Variants in CACNA1G observed in about 807,000 individuals in gnomAD.
The protein encoded by CACNA1G is voltage-dependent T-type calcium channel subunit alpha-1G.
In CACNA1G, 67 loss-of-function variants were observed where a neutral mutation model predicts 219.4. The ratio of observed to expected loss-of-function variants is 0.31; its 90% CI spans 0.25 to 0.37. CACNA1G has a LOEUF of 0.37. Ranked by LOEUF, CACNA1G falls within the 10% of genes least tolerant of loss-of-function variation. The pLI is 1.00. For synonymous variants in CACNA1G, 1,296 were observed against 1,345.3 expected (o/e 0.96, Z 0.80); for missense variants, 2,380 against 3,231.4 (o/e 0.74, Z 6.39).
chr17:50,577,011 G>A (rs1319061279), intron 8 of CACNA1G, among the ~76,000 whole-genome samples: 6 of 152,196 alleles, frequency 3.9e-5, no homozygotes, highest in Admixed American at 1.3e-4. Flanking sequence ...TGCAGCCCAC[G>A]GCCTGTGTTT....
chr17:50,567,785 T>G (rs1490909436), intron 1 of CACNA1G, among the ~76,000 whole-genome samples: 1 of 152,204 alleles, frequency 6.6e-6, no homozygotes, highest in Non-Finnish European at 1.5e-5. Flanking sequence ...TGGAACCTTC[T>G]AAGGTCCGGA....
chr17:50,568,863 C>T lies in CACNA1G; in HGVS notation c.243-7C>T. 1 of 1,611,664 alleles carries T rather than the reference C, an allele frequency of 6.2e-7. No homozygotes were observed. The highest frequency in any genetic ancestry group is 1.7e-5 in the Admixed American group (1 of 60,020). ...CCTTGGCCAGCTGTTTCCTTGACTG[C>T]CAGTACCTGGTTTGAGCGCATCAGC... On this transcript the variant is annotated splice_polypyrimidine_tract_variant and splice_region_variant and intron_variant, in intron 1 of 37. Transcript: ENST00000359106.
intron 16 of CACNA1G, among the ~76,000 whole-genome samples, chr17:50,598,182 C>T (rs935134793): frequency 6.6e-6 from 1 of 152,226 alleles, no homozygotes; most frequent in Non-Finnish European, 1.5e-5. Flanking sequence ...CATGTGCCAC[C>T]ATGTCCGGCT....
intron 34 of CACNA1G, among the ~76,000 whole-genome samples, chr17:50,620,085 G>T (rs1185085840): frequency 8.5e-5 from 13 of 152,058 alleles, no homozygotes; most frequent in Admixed American, 5.2e-4. Flanking sequence ...CTTGGGGAGG[G>T]GAGAGGGGAT....
rs373099107 is a variant in CACNA1G at position 50,619,755 on chromosome 17, G to A, written c.5854G>A (p.Glu1952Lys). The change falls in exon 34 of 38, where the codon GAG becomes AAG. Residue 1952 changes from glutamate to lysine, a missense_variant. Around this residue, in one of 17 missense-constraint regions of CACNA1G, gnomAD observed 672 missense variants for 670.5 expected, o/e 1.00. Coordinates refer to ENST00000359106, the MANE Select transcript of CACNA1G (RefSeq NM_018896.5). ...GGAGTGGGAGCTGAAGCTGATGGACGAGCTGGCAGGCCCAGGGGGCCAGCC... is the reference window on the plus strand; with the variant it reads ...GGAGTGGGAGCTGAAGCTGATGGACAAGCTGGCAGGCCCAGGGGGCCAGCC... ...SLEWELKLMD[E>K]LAGPGGQPSA... 3.7e-6 allele frequency: 6 copies of A among 1,609,080 alleles called. No individual in the cohort carries two copies. Among genetic ancestry groups the A allele is most frequent in the East Asian group, 2.2e-5 (1 of 44,792 alleles).
rs1257346430 is a variant in CACNA1G, at chr17:50,617,933, G to T, written c.5226+4G>T. ...GGTGATGCAGGCCCTGCCCCAGGTA[G>T]CCGGGAGGTGGGGGGCCTCTGGGGA... On this transcript the variant is annotated splice_donor_region_variant and intron_variant, in intron 30 of 37. Coordinates refer to ENST00000359106, the MANE Select transcript of CACNA1G (RefSeq NM_018896.5). This position sits in a 1 kb window ranked among gnomAD's most constrained non-coding sequence, Gnocchi z 5.8. 6.2e-7 allele frequency: 1 copy of T among 1,613,742 alleles called. No homozygotes were observed. The highest frequency in any genetic ancestry group is 1.7e-5 in the Admixed American group (1 of 60,030).
At chr17:50,610,251 GAT>G (rs2048931301) in intron 26 of CACNA1G, among the ~76,000 whole-genome samples, 1 of 152,212 alleles carries the variant, frequency 6.6e-6, no homozygotes, top group Non-Finnish European at 1.5e-5. Context: ...CTCACCGGTC[GAT>G]TATTAGAGCT....
At position 50,619,817 on chromosome 17, in the gene CACNA1G, C is replaced by A; in HGVS notation, c.5916C>A (p.Ser1972=). Reference sequence around the variant, plus strand: ...CTTCTGCCCCCAGCCTGGGAGGCTCCGACCCACAGGTTACTGTGCCCCTGT... The same window carrying A: ...CTTCTGCCCCCAGCCTGGGAGGCTCAGACCCACAGGTTACTGTGCCCCTGT... ...AFPSAPSLGG[S]DPQIPLAEME... is the part of the protein sequence containing the mutation. The change falls in exon 34 of 38, where the codon TCC becomes TCA. Residue 1972 remains serine (S), a synonymous_variant. Transcript: ENST00000359106. The A allele has an allele frequency of 6.2e-7, 1 of 1,604,280 alleles. No individual in the cohort carries two copies. The highest frequency in any genetic ancestry group is 8.5e-7 in the Non-Finnish European group (1 of 1,177,744).
At position 50,626,978 on chromosome 17, in the gene CACNA1G, G is replaced by A. The variant is rs1271822107; in HGVS notation, c.*227G>A. ...GCAGAAGGAGAGGCCCGGTGCAGCT[G>A]AGGTTCCCGACACCAGAAGCTGTTG... On this transcript the variant is annotated 3_prime_UTR_variant, in exon 38 of 38. Coordinates refer to ENST00000359106, the MANE Select transcript of CACNA1G (RefSeq NM_018896.5). This position sits in a 1 kb window ranked among gnomAD's most constrained non-coding sequence, Gnocchi z 4.3. 4 of 690,614 alleles carry A rather than the reference G, an allele frequency of 5.8e-6. No individual in the cohort carries two copies. Among genetic ancestry groups the A allele is most frequent in the Non-Finnish European group, 1.1e-5 (4 of 379,192 alleles). The allele number at this position is 690,614 out of a possible 1,614,324, so 42.8% of individuals were successfully genotyped here. A position where few individuals can be genotyped will look rare whatever the true frequency, so the allele number is the denominator to read the frequency against.
chr17:50,615,238 G>C, intron 26 of CACNA1G, 123 bp from the exon 27 acceptor site: 2 of 989,234 alleles, frequency 2.0e-6, no homozygotes, highest in East Asian at 5.5e-5. Flanking sequence ...GGGCGAGGAT[G>C]GTGATGATTA....
Position 50,561,174 on chromosome 17 carries a change from G to T in CACNA1G, c.-286G>T. On this transcript the variant is annotated 5_prime_UTR_variant, in exon 1 of 38. Transcript: ENST00000359106. ...GCCTGGGCGCGAAGCGAAGAAGCCG[G>T]AACAAAGTGAGGGGGAGCCGGCCGG... is the stretch of plus-strand genomic sequence containing the variant. 2 of 566,244 alleles carry T rather than the reference G, an allele frequency of 3.5e-6. No individual in the cohort carries two copies. Among genetic ancestry groups the T allele is most frequent in the Non-Finnish European group, 6.5e-6 (2 of 309,160 alleles). 35.1% of individuals were successfully genotyped at this position (566,244 alleles called of 1,614,324 possible). A position where few individuals can be genotyped will look rare whatever the true frequency, so the allele number is the denominator to read the frequency against.
At chr17:50,620,371 T>C (rs1316794994) in intron 34 of CACNA1G, among the ~76,000 whole-genome samples, 2 of 152,182 alleles carry the variant, frequency 1.3e-5, no homozygotes, top group African/African-American at 2.4e-5. Context: ...CTGAGAGAGA[T>C]AGAAGGCTCC....
intron 13 of CACNA1G, among the ~76,000 whole-genome samples, chr17:50,592,570 C>T (rs982797747): frequency 6.6e-6 from 1 of 152,168 alleles, no homozygotes; most frequent in Non-Finnish European, 1.5e-5. Flanking sequence ...GAAATGAGCC[C>T]AATTAGCTAC....
At position 50,623,933 on chromosome 17, in the gene CACNA1G, A is replaced by G. The variant is rs1326633537; in HGVS notation, c.6087A>G (p.Pro2029=). The change falls in exon 36 of 38, where the codon CCA becomes CCG. Residue 2029 remains proline (P), a synonymous_variant. Coordinates refer to ENST00000359106, the MANE Select transcript of CACNA1G (RefSeq NM_018896.5). ...TGCAGCCCCACCCCACGGAGCTGCCAGGACCAGACTTACTGACTGTGCGGA... is the reference window on the plus strand; with the variant it reads ...TGCAGCCCCACCCCACGGAGCTGCCGGGACCAGACTTACTGACTGTGCGGA... The part of the protein sequence containing the change: ...SNMQPHPTEL[P]GPDLLTVRKS... 6.2e-7 allele frequency: 1 copy of G among 1,612,382 alleles called. No individual in the cohort carries two copies. Among genetic ancestry groups the G allele is most frequent in the African/African-American group, 1.3e-5 (1 of 75,038 alleles).
intron 9 of CACNA1G, among the ~76,000 whole-genome samples, chr17:50,585,675 C>G (rs2042858359): frequency 6.6e-6 from 1 of 152,012 alleles, no homozygotes; most frequent in Non-Finnish European, 1.5e-5. Context: ...TGGAGAGCTT[C>G]CGGGGGCTGG....
intron 19 of CACNA1G, among the ~76,000 whole-genome samples, chr17:50,602,377 A>T (rs1598499287): frequency 1.3e-5 from 2 of 152,162 alleles, no homozygotes. Context: ...CTGTGTCAGG[A>T]CCCCAGCTTC....
intron 9 of CACNA1G, among the ~76,000 whole-genome samples, chr17:50,581,896 A>G (rs536385675): frequency 1.3e-3 from 195 of 152,352 alleles, no homozygotes; most frequent in Admixed American, 2.9e-3. Context: ...TTGCTGGTAA[A>G]TGATTAACAA....
chr17:50,570,643 C>T (rs1471573601), intron 4 of CACNA1G, among the ~76,000 whole-genome samples: 4 of 149,156 alleles, frequency 2.7e-5, no homozygotes, highest in African/African-American at 9.9e-5. Flanking sequence ...CTCTGGGGCT[C>T]GGGGTGTGTT....
Position 50,607,939 on chromosome 17 carries a change from A to G in CACNA1G, c.4625A>G (p.Lys1542Arg). ...FVGVVVENFH[K>R]CRQHQEEEEA... The stretch of plus-strand genomic sequence containing the variant: ...GGTGTGGTGGTGGAGAACTTCCACA[A>G]GTGTCGGCAGCACCAGGAGGAAGAG... The change falls in exon 25 of 38, where the codon AAG (lysine) becomes AGG (arginine). Residue 1542 changes from lysine (K) to arginine (R), a missense_variant. Transcript: ENST00000359106. 1 of 1,614,008 alleles carries G rather than the reference A, an allele frequency of 6.2e-7. No homozygotes were observed. The highest frequency in any genetic ancestry group is 8.5e-7 in the Non-Finnish European group (1 of 1,179,872).
Sources: gnomAD v4.1 joint callset for allele counts (sites outside exome capture counted in the v4.1 genomes callset) on GRCh38, gnomAD v4.1.1 for gene constraint, gnomAD v4.1.1 regional missense constraint, Gnocchi (gnomAD v3.1) non-coding constraint, MANE v1.5 for transcripts, NCBI Gene and HGNC (gene_info 2026-07-23, HGNC 2026-07-21) for gene names.